Variants in SRGAP2C observed in about 807,000 individuals in gnomAD.
SRGAP2C encodes the protein SLIT-ROBO Rho GTPase-activating protein 2C.
In SRGAP2C, 15 loss-of-function variants were observed where a neutral mutation model predicts 25.1. The ratio of observed to expected loss-of-function variants is 0.60; its 90% CI spans 0.40 to 0.92. The LOEUF (loss-of-function observed/expected upper bound fraction) is 0.92, where lower values mean the gene tolerates loss of function less well. Among genes scored for constraint, SRGAP2C ranks in the 40% least tolerant of loss-of-function variants. SRGAP2C has a pLI of 0.00. For missense variants in SRGAP2C, 144 were observed against 264.4 expected, an observed-to-expected ratio of 0.54 and a Z score of 3.16; for synonymous variants, 44 against 96.6, an observed-to-expected ratio of 0.46 and a Z score of 3.19.
At position 121,279,573 on chromosome 1, in the gene SRGAP2C, TGAG is replaced by T. The variant is rs1483927783; in HGVS notation, c.68-5229_68-5227del. 1.3e-5 allele frequency among the ~76,000 whole-genome samples: 2 copies of T among 151,722 alleles called. 1 individual carries two copies. Among genetic ancestry groups the T allele is most frequent in the African/African-American group, 4.8e-5 (2 of 41,334 alleles). On this transcript the variant is annotated intron_variant, in intron 2 of 9. Coordinates refer to ENST00000367123, the MANE Select transcript of SRGAP2C (RefSeq NM_001329984.2). ...GTTTTTCTGCCAGTTGCATGCTTAT[TGAG>T]ACCCTTCAGCATCTTTCTAAAAAGG...
rs1366981043 is a variant in SRGAP2C at position 121,392,298 on chromosome 1, C to T, written c.*4443C>T. The T allele has an allele frequency of 2.0e-5, 3 of 151,832 alleles. No homozygotes were observed. Among genetic ancestry groups the T allele is most frequent in the Non-Finnish European group, 4.4e-5 (3 of 67,826 alleles). The allele number at this position is 151,832 out of a possible 1,614,324, so 9.4% of individuals were successfully genotyped here. On this transcript the variant is annotated 3_prime_UTR_variant, in exon 10 of 10. Transcript: ENST00000367123. ...CCTTTCTTCCTTCTTCCTTCCCCCT[C>T]CTCCTTTTTACTTTTCTTCCTCTTC...
intron 3 of SRGAP2C, among the ~76,000 whole-genome samples, chr1:121,297,420 T>C (rs1657620722): frequency 1.1e-5 from 1 of 89,936 alleles, no homozygotes; most frequent in African/African-American, 3.9e-5. Flanking sequence ...GTCTGAATCT[T>C]GTCTCTTCTA....
chr1:121,217,705 A>G (rs1212018300), intron 2 of SRGAP2C, among the ~76,000 whole-genome samples: 3 of 152,162 alleles, frequency 2.0e-5, no homozygotes, highest in Non-Finnish European at 4.4e-5. Flanking sequence ...CTGCATCTCG[A>G]TGGCAGAACA....
At position 121,389,095 on chromosome 1, in the gene SRGAP2C, C is replaced by G. The variant is rs188511474; in HGVS notation, c.*1240C>G. On this transcript the variant is annotated 3_prime_UTR_variant, in exon 10 of 10. Transcript: ENST00000367123. ...TAATTTTATTCTAAAAAATAGGACA[C>G]TGCTGTACATATTGTTTTACAATCT... is the stretch of plus-strand genomic sequence containing the variant. 2.2e-4 allele frequency: 33 copies of G among 152,130 alleles called. No homozygotes were observed. Among genetic ancestry groups the G allele is most frequent in the Non-Finnish European group, 4.0e-4 (27 of 67,980 alleles). 9.4% of individuals were successfully genotyped at this position (152,130 alleles called of 1,614,324 possible).
chr1:121,192,142 G>A (rs1367645778), intron 2 of SRGAP2C, among the ~76,000 whole-genome samples: 1 of 151,382 alleles, frequency 6.6e-6, no homozygotes, highest in Non-Finnish European at 1.5e-5. Flanking sequence ...CTTTCCCTTG[G>A]GAGGTCTGAG....
chr1:121,319,604 G>A (rs1475010243), intron 3 of SRGAP2C, among the ~76,000 whole-genome samples: 27 of 151,916 alleles, frequency 1.8e-4, no homozygotes, highest in Admixed American at 1.6e-3. Context: ...GAAAAGCTGG[G>A]CTAATGTCTT....
At chr1:121,224,141 C>T (rs1231992034) in intron 2 of SRGAP2C, among the ~76,000 whole-genome samples, 3 of 146,010 alleles carry the variant, frequency 2.1e-5, no homozygotes, top group African/African-American at 5.1e-5. Flanking sequence ...TGGTGAGGCT[C>T]ACATACAAAC....
chr1:121,222,532 G>A (rs1273809716), intron 2 of SRGAP2C, among the ~76,000 whole-genome samples: 5 of 152,146 alleles, frequency 3.3e-5, no homozygotes, highest in Non-Finnish European at 7.3e-5. Flanking sequence ...GGGAGGCTGA[G>A]GCAGGAGGAT....
In SRGAP2C at chr1:121,366,829, A is replaced by G. The variant is rs1177166735; in HGVS notation, c.486+1474A>G. ...CTGGGGAGGGGTAGTTTGGATAACC[A>G]ACAAACCTTGCCACTTCTTCAGTGG... On this transcript the variant is annotated intron_variant, in intron 5 of 9. Coordinates refer to ENST00000367123, the MANE Select transcript of SRGAP2C (RefSeq NM_001329984.2). Among the ~76,000 whole-genome samples the G allele has an allele frequency of 2.0e-5, 3 of 151,016 alleles. No homozygotes were observed. In the Admixed American group the frequency reaches 2.0e-4, roughly 10 times the overall value.
chr1:121,293,939 C>A (rs1273461806), intron 3 of SRGAP2C, among the ~76,000 whole-genome samples: 3 of 92,478 alleles, frequency 3.2e-5, no homozygotes, highest in South Asian at 4.8e-4. Flanking sequence ...CTTTTCCAGG[C>A]CACTTTCTTA....
At chr1:121,315,097 G>A in intron 3 of SRGAP2C, 1 of 662,100 alleles carries the variant, frequency 1.5e-6, no homozygotes, top group Non-Finnish European at 2.4e-6. Flanking sequence ...TGAGGCGAAG[G>A]TCTCTGGTGC....
intron 2 of SRGAP2C, among the ~76,000 whole-genome samples, chr1:121,236,606 C>T (rs1430476744): frequency 1.3e-5 from 2 of 152,142 alleles, no homozygotes; most frequent in Non-Finnish European, 2.9e-5. Flanking sequence ...CTTATCTGGT[C>T]TTTAATGATT....
rs200891136 is a variant in SRGAP2C at position 121,211,416 on chromosome 1, TACACACACACACACACACACACACAC to T, written c.67+23923_67+23948del. On this transcript the variant is annotated intron_variant, in intron 2 of 9. Coordinates refer to ENST00000367123, the MANE Select transcript of SRGAP2C (RefSeq NM_001329984.2). ...TGAGAGAGAGATATATATATACACA[TACACACACACACACACACACACACAC>T]ACACACACACACACACACATCTTAC... Among the ~76,000 whole-genome samples the T allele has an allele frequency of 3.1e-5, 4 of 130,118 alleles. No homozygotes were observed. In the Admixed American group the frequency reaches 3.2e-4, roughly 10 times the overall value. 85.4% of individuals were successfully genotyped at this position (130,118 alleles called of 152,430 possible).
chr1:121,305,540 T>A (rs1553339347), intron 3 of SRGAP2C, among the ~76,000 whole-genome samples: 1 of 31,288 alleles, frequency 3.2e-5, no homozygotes, highest in Non-Finnish European at 6.4e-5. Flanking sequence ...GCTTCCAGAA[T>A]CCCCTTCCTC....
At position 121,284,997 on chromosome 1, in the gene SRGAP2C, T is replaced by G; in HGVS notation, c.260+2T>G. On this transcript the variant is annotated splice_donor_variant, in intron 3 of 9. Coordinates refer to ENST00000367123, the MANE Select transcript of SRGAP2C (RefSeq NM_001329984.2). LOFTEE classifies it high-confidence loss of function. The stretch of plus-strand genomic sequence containing the variant: ...CAGCACCAAGGACCAGCAATTCAAG[T>G]AGGGGCTCTGTGGCTATTACTCTCT... 4 of 1,491,066 alleles carry G rather than the reference T, an allele frequency of 2.7e-6. No homozygotes were observed. Among genetic ancestry groups the G allele is most frequent in the Non-Finnish European group, 2.7e-6 (3 of 1,116,966 alleles). 92.4% of individuals were successfully genotyped at this position (1,491,066 alleles called of 1,614,324 possible).
chr1:121,208,572 C>T (rs1304429132), intron 2 of SRGAP2C, among the ~76,000 whole-genome samples: 1 of 152,214 alleles, frequency 6.6e-6, no homozygotes, highest in Non-Finnish European at 1.5e-5. Flanking sequence ...GGGCTCTGTT[C>T]ATGCTTGAAG....
chr1:121,357,167 C>A (rs1466138097), intron 4 of SRGAP2C, among the ~76,000 whole-genome samples: 11 of 137,812 alleles, frequency 8.0e-5, no homozygotes, highest in Non-Finnish European at 1.6e-4. Flanking sequence ...TGTGGGTTAT[C>A]AAGTGTTACT....
At chr1:121,348,705 A>G (rs1658815945) in intron 4 of SRGAP2C, among the ~76,000 whole-genome samples, 1 of 149,612 alleles carries the variant, frequency 6.7e-6, no homozygotes, top group African/African-American at 2.5e-5. Flanking sequence ...GAGAATACAG[A>G]TAAGACAAAA....
At chr1:121,259,634 C>G (rs1208025635) in intron 2 of SRGAP2C, among the ~76,000 whole-genome samples, 3 of 151,722 alleles carry the variant, frequency 2.0e-5, no homozygotes, top group African/African-American at 7.3e-5. Flanking sequence ...ATGTATCAGA[C>G]ACTACTCTAG....
Sources: gnomAD v4.1 joint callset for allele counts (sites outside exome capture counted in the v4.1 genomes callset) on GRCh38, gnomAD v4.1.1 for gene constraint, MANE v1.5 for transcripts, NCBI Gene and HGNC (gene_info 2026-07-23, HGNC 2026-07-21) for gene names.